EIF4G3: variants seen among roughly 807,000 people sequenced by gnomAD.
EIF4G3 encodes eIF-4-gamma 3.
A neutral mutation model predicts 186.4 loss-of-function variants in EIF4G3; 34 were observed. The observed-to-expected ratio is 0.18, with a 90% CI of 0.14 to 0.24. EIF4G3 has a LOEUF of 0.24. Ranked by LOEUF, EIF4G3 falls within the 10% of genes least tolerant of loss-of-function variation. The probability of loss-of-function intolerance (pLI) is 1.00; values close to 1 mark genes in which losing one functional copy is unlikely to be tolerated. For missense variants in EIF4G3, 1,536 were observed against 1,948.5 expected (o/e 0.79, Z 3.99); for synonymous variants, 673 against 679.5 (o/e 0.99, Z 0.15).
chr1:21,022,346 T>C (rs956630433), intron 4 of EIF4G3, among the ~76,000 whole-genome samples: 3 of 152,340 alleles, frequency 2.0e-5, no homozygotes, highest in African/African-American at 7.2e-5. Context: ...TTTTAGGTCA[T>C]CACTGAGTTG....
In EIF4G3 at chr1:20,898,340, T is replaced by A. The variant is rs761478491; in HGVS notation, c.1999+1357A>T. Among the ~76,000 whole-genome samples the A allele has an allele frequency of 2.6e-5, 4 of 151,902 alleles. No homozygotes were observed. In the South Asian group the frequency reaches 8.3e-4, roughly 32 times the overall value. On this transcript the variant is annotated intron_variant, in intron 16 of 36. Coordinates refer to ENST00000602326, the MANE Select transcript of EIF4G3 (RefSeq NM_001391906.1). The stretch of plus-strand genomic sequence containing the variant: ...CCCTCCCTCTGTAAAAAATAAACAA[T>A]AAATAAAAACTTTTAAAAATAATAT...
chr1:21,063,566 A>T (rs10916928), intron 3 of EIF4G3, among the ~76,000 whole-genome samples: 4,986 of 152,246 alleles, frequency 0.033, 270 homozygotes, highest in African/African-American at 0.11. Context: ...TAAAGAAAGC[A>T]GGACAGAAAT....
intron 14 of EIF4G3, among the ~76,000 whole-genome samples, chr1:20,913,113 A>T (rs891403742): frequency 1.3e-5 from 2 of 152,222 alleles, no homozygotes; most frequent in Admixed American, 6.5e-5. Flanking sequence ...TTTGAAATGT[A>T]TGTTGACTTG....
At chr1:21,153,611 A>G (rs1255700707) in intron 2 of EIF4G3, among the ~76,000 whole-genome samples, 1 of 152,166 alleles carries the variant, frequency 6.6e-6, no homozygotes. Context: ...CCCAGGCTGC[A>G]GTGCAATGAA....
intron 19 of EIF4G3, among the ~76,000 whole-genome samples, chr1:20,883,534 T>C (rs1187684193): frequency 6.6e-6 from 1 of 151,960 alleles, no homozygotes; most frequent in African/African-American, 2.4e-5. Context: ...GAAGAATCAC[T>C]TGAACCTGGG....
At chr1:20,880,243 G>A (rs1244217049) in intron 19 of EIF4G3, among the ~76,000 whole-genome samples, 1 of 152,084 alleles carries the variant, frequency 6.6e-6, no homozygotes, top group Non-Finnish European at 1.5e-5. Flanking sequence ...TGTAAAGGAA[G>A]AAATAAAACT....
At chr1:20,876,322 A>G (rs1226778516) in intron 20 of EIF4G3, among the ~76,000 whole-genome samples, 1 of 150,714 alleles carries the variant, frequency 6.6e-6, no homozygotes, top group Non-Finnish European at 1.5e-5. Flanking sequence ...ATAGAGAGAG[A>G]AGAGAGATGG....
chr1:21,049,276 T>G (rs1451075437), intron 4 of EIF4G3, among the ~76,000 whole-genome samples: 4 of 152,202 alleles, frequency 2.6e-5, no homozygotes, highest in Admixed American at 6.5e-5. Flanking sequence ...AGCCTTTGGC[T>G]CAACCCTACA....
intron 2 of EIF4G3, among the ~76,000 whole-genome samples, chr1:21,160,523 T>C (rs2097748274): frequency 1.3e-5 from 2 of 152,114 alleles, no homozygotes; most frequent in South Asian, 2.1e-4. Flanking sequence ...AACTCCACAA[T>C]AGAAAGACCA....
At chr1:21,042,930 A>C (rs16824972) in intron 4 of EIF4G3, among the ~76,000 whole-genome samples, 4,437 of 152,340 alleles carry the variant, frequency 0.029, 137 homozygotes, top group East Asian at 0.14. Flanking sequence ...CTGAATTAGC[A>C]ATTTTCAGAA....
At chr1:21,090,871 A>G (rs2096172543) in intron 2 of EIF4G3, among the ~76,000 whole-genome samples, 1 of 152,218 alleles carries the variant, frequency 6.6e-6, no homozygotes, top group African/African-American at 2.4e-5. Context: ...TAGGTAAAAT[A>G]GGCAACTAAT....
At chr1:20,946,766 C>G (rs1307590497) in intron 13 of EIF4G3, among the ~76,000 whole-genome samples, 1 of 152,000 alleles carries the variant, frequency 6.6e-6, no homozygotes, top group African/African-American at 2.4e-5. Context: ...AGCAAGTGCT[C>G]AAGTCTGAGA....
At chr1:20,974,573 C>T (rs547934560) in intron 10 of EIF4G3, among the ~76,000 whole-genome samples, 12 of 152,100 alleles carry the variant, frequency 7.9e-5, no homozygotes, top group African/African-American at 1.7e-4. Context: ...AAAGAGAAGA[C>T]GGAAAATGAA....
chr1:20,919,696 C>T (rs2094312502), intron 14 of EIF4G3, among the ~76,000 whole-genome samples: 1 of 152,126 alleles, frequency 6.6e-6, no homozygotes, highest in African/African-American at 2.4e-5. Context: ...AAGGGAGACA[C>T]AGCGTCTACA....
intron 6 of EIF4G3, among the ~76,000 whole-genome samples, chr1:20,998,588 A>C (rs1263441787): frequency 1.3e-5 from 2 of 152,314 alleles, no homozygotes; most frequent in Non-Finnish European, 2.9e-5. Context: ...TTTAACTGCT[A>C]AACCTCTAGG....
intron 2 of EIF4G3, among the ~76,000 whole-genome samples, chr1:21,173,930 C>G (rs1464825021): frequency 2.0e-5 from 3 of 152,142 alleles, no homozygotes; most frequent in Non-Finnish European, 4.4e-5. Flanking sequence ...CTTTTTTAAT[C>G]AATACCCCAT....
chr1:20,941,121 T>C (rs1161418231), intron 14 of EIF4G3: 1 of 1,109,354 alleles, frequency 9.0e-7, no homozygotes, highest in Non-Finnish European at 1.2e-6. Flanking sequence ...GAAGACAGAA[T>C]TAGGGACTAT....
chr1:21,101,081 C>T (rs949746549), intron 2 of EIF4G3, among the ~76,000 whole-genome samples: 5 of 152,018 alleles, frequency 3.3e-5, no homozygotes, highest in Admixed American at 2.6e-4. Context: ...GATTTAGTTA[C>T]GGTACCTAGA....
rs189615895 is a variant in EIF4G3 at position 20,998,287 on chromosome 1, T to A, written c.145-654A>T. On this transcript the variant is annotated intron_variant, in intron 6 of 36. Coordinates refer to ENST00000602326, the MANE Select transcript of EIF4G3 (RefSeq NM_001391906.1). ...AATGCGGTTAACTAATATAATTTAA[T>A]ACAAGGCATGTCAAGGCAAACAGCT... 3.3e-5 allele frequency among the ~76,000 whole-genome samples: 5 copies of A among 151,750 alleles called. No individual in the cohort carries two copies. In the East Asian group the frequency reaches 9.6e-4, roughly 29 times the overall value.
Sources: gnomAD v4.1 joint callset for allele counts (sites outside exome capture counted in the v4.1 genomes callset) on GRCh38, gnomAD v4.1.1 for gene constraint, MANE v1.5 for transcripts, NCBI Gene and HGNC (gene_info 2026-07-23, HGNC 2026-07-21) for gene names.